Variants in DMD observed in about 807,000 individuals in gnomAD.
The protein encoded by DMD is mutant dystrophin.
A neutral mutation model predicts 330.1 loss-of-function variants in DMD; 63 were observed. That is an observed-to-expected ratio of 0.19 (90% CI 0.16 to 0.24). The LOEUF (loss-of-function observed/expected upper bound fraction) is 0.24. Ranked by LOEUF, DMD falls within the 10% of genes least tolerant of loss-of-function variation. DMD has a pLI of 1.00. For synonymous variants in DMD, 1,223 were observed against 959.8 expected (o/e 1.27, Z -5.07); for missense variants, 3,344 against 2,684.1 (o/e 1.25, Z -5.43).
At chrX:31,212,113 G>A (rs369196411) in intron 64 of DMD, among the ~76,000 whole-genome samples, 4 of 104,749 alleles carry the variant, frequency 3.8e-5, no homozygotes, top group South Asian at 8.5e-4. Flanking sequence ...TGAAACCATT[G>A]TTTCCTTAAG....
intron 60 of DMD, among the ~76,000 whole-genome samples, chrX:31,378,319 G>C (rs1421866506): frequency 9.0e-6 from 1 of 110,846 alleles, no homozygotes; most frequent in Non-Finnish European, 1.9e-5. Context: ...TTTTAAATCA[G>C]GTAAGCGGCC....
At chrX:31,653,969 T>G (rs1016482859) in intron 54 of DMD, among the ~76,000 whole-genome samples, 1 of 111,880 alleles carries the variant, frequency 8.9e-6, no homozygotes, top group African/African-American at 3.2e-5. Flanking sequence ...GATTAGTTCC[T>G]TTTAAGCATA....
chrX:32,680,940 T>C (rs935938586), intron 9 of DMD, among the ~76,000 whole-genome samples: 1 of 112,154 alleles, frequency 8.9e-6, no homozygotes, highest in East Asian at 2.8e-4. Flanking sequence ...TCTCTAGCCT[T>C]ATTTATTTCC....
chrX:32,776,732 G>C (rs926817115), intron 7 of DMD, among the ~76,000 whole-genome samples: 1 of 111,704 alleles, frequency 9.0e-6, no homozygotes, highest in Non-Finnish European at 1.9e-5. Flanking sequence ...AGGGGACACA[G>C]AGCCAAATTA....
At position 33,040,395 on chromosome X, in the gene DMD, G is replaced by C. The variant is rs182800585; in HGVS notation, c.32-20195C>G. 3.6e-5 allele frequency among the ~76,000 whole-genome samples: 4 copies of C among 111,175 alleles called. No individual in the cohort carries two copies. In the East Asian group the frequency reaches 1.1e-3, roughly 32 times the overall value. ...AGAGAGGGTCAAGATACCCTCTTTG[G>C]AAGAGCAGTATGATAACCTCTTTGG... On this transcript the variant is annotated intron_variant, in intron 1 of 78. Transcript: ENST00000357033.
intron 45 of DMD, among the ~76,000 whole-genome samples, chrX:31,953,543 G>A (rs776964703): frequency 4.5e-5 from 5 of 111,457 alleles, no homozygotes; most frequent in East Asian, 2.8e-4. Context: ...AGCATATGCC[G>A]TTGGTTGATA....
At chrX:32,681,681 A>T (rs1318749470) in intron 9 of DMD, among the ~76,000 whole-genome samples, 2 of 111,974 alleles carry the variant, frequency 1.8e-5, no homozygotes, top group Non-Finnish European at 3.8e-5. Flanking sequence ...GCTTTCATTC[A>T]TTTGATCAAT....
At chrX:33,248,233 T>G (rs2052703944) in intron 1 of DMD, among the ~76,000 whole-genome samples, 1 of 110,801 alleles carries the variant, frequency 9.0e-6, no homozygotes, top group East Asian at 2.9e-4. Context: ...AGTATAGACG[T>G]GGTTTCACCG....
intron 50 of DMD, among the ~76,000 whole-genome samples, chrX:31,807,604 T>TC (rs1397780627): frequency 7.2e-5 from 8 of 111,799 alleles, no homozygotes; most frequent in Non-Finnish European, 1.3e-4. Flanking sequence ...TGAAACCACT[T>TC]CCGTAACTCT....
intron 34 of DMD, among the ~76,000 whole-genome samples, chrX:32,372,545 G>C (rs1420793092): frequency 9.0e-6 from 1 of 111,539 alleles, no homozygotes; most frequent in African/African-American, 3.3e-5. Flanking sequence ...TAACAGAAAA[G>C]GAAAAGTATC....
chrX:33,233,210 T>C (rs1055396490), intron 1 of DMD, among the ~76,000 whole-genome samples: 2 of 111,609 alleles, frequency 1.8e-5, no homozygotes, highest in African/African-American at 6.5e-5. Flanking sequence ...TAATTGTCAA[T>C]GAAAAAGAAA....
At chrX:31,525,779 C>T (rs1335753941) in intron 55 of DMD, among the ~76,000 whole-genome samples, 4 of 112,452 alleles carry the variant, frequency 3.6e-5, no homozygotes, top group Non-Finnish European at 7.5e-5. Context: ...TGAAATGCTA[C>T]GTTCAATCTG....
At chrX:31,980,736 T>C (rs1306062322) in intron 44 of DMD, among the ~76,000 whole-genome samples, 2 of 112,127 alleles carry the variant, frequency 1.8e-5, no homozygotes, top group Admixed American at 1.9e-4. Context: ...CTGAATATTA[T>C]ACAAAGTATC....
At chrX:31,506,629 T>C (rs1221180988) in intron 56 of DMD, among the ~76,000 whole-genome samples, 1 of 112,276 alleles carries the variant, frequency 8.9e-6, no homozygotes, top group Non-Finnish European at 1.9e-5. Flanking sequence ...AAAGATGCTA[T>C]GATGCATCCA....
chrX:32,612,813 G>T (rs1382002753), intron 12 of DMD, among the ~76,000 whole-genome samples: 1 of 110,987 alleles, frequency 9.0e-6, no homozygotes, highest in Non-Finnish European at 1.9e-5. Flanking sequence ...GATTACCATA[G>T]TTACAGTTCT....
chrX:32,498,628 T>C (rs2043737649), intron 19 of DMD, among the ~76,000 whole-genome samples: 1 of 111,631 alleles, frequency 9.0e-6, no homozygotes, highest in Non-Finnish European at 1.9e-5. Flanking sequence ...CAATAAACTC[T>C]TAATATACAA....
intron 11 of DMD, among the ~76,000 whole-genome samples, chrX:32,636,648 A>T (rs895149855): frequency 1.8e-5 from 2 of 111,931 alleles, no homozygotes; most frequent in African/African-American, 6.5e-5. Context: ...TCATTTTGAA[A>T]ACATAAATTC....
chrX:31,402,780 T>C (rs2061247052), intron 60 of DMD, among the ~76,000 whole-genome samples: 1 of 112,109 alleles, frequency 8.9e-6, no homozygotes, highest in South Asian at 3.7e-4. Context: ...CATTATCAAA[T>C]GGCTGAATGA....
At chrX:31,732,214 T>A (rs2086561229) in intron 51 of DMD, among the ~76,000 whole-genome samples, 1 of 111,600 alleles carries the variant, frequency 9.0e-6, no homozygotes, top group Admixed American at 9.5e-5. Flanking sequence ...TTCAACTTTT[T>A]ATCCCACTCT....
Sources: allele counts gnomAD v4.1 joint callset (sites outside exome capture counted in the v4.1 genomes callset), GRCh38; gene constraint gnomAD v4.1.1; transcripts MANE v1.5; gene names NCBI Gene and HGNC (gene_info 2026-07-23, HGNC 2026-07-21).